COL6A3: variants seen among roughly 807,000 people sequenced by gnomAD.
COL6A3 encodes the protein collagen type VI alpha 3 chain.
COL6A3 carries 137 observed loss-of-function variants against 274.1 expected under a neutral mutation model. The observed-to-expected ratio is 0.50, with a 90% CI of 0.44 to 0.58. COL6A3 has a LOEUF of 0.58. COL6A3 is among the 20% of genes least tolerant of loss of function. The pLI is 0.00. For missense variants in COL6A3, 3,950 were observed against 4,124.9 expected, an observed-to-expected ratio of 0.96 and a Z score of 1.16; for synonymous variants, 1,650 against 1,650.6, an observed-to-expected ratio of 1.00 and a Z score of 0.01.
intron 1 of COL6A3, among the ~76,000 whole-genome samples, chr2:237,404,021 A>C (rs2078661734): frequency 6.6e-6 from 1 of 152,084 alleles, no homozygotes; most frequent in Admixed American, 6.5e-5. Context: ...TCAATTAAAT[A>C]ATGATATACA....
At position 237,376,999 on chromosome 2, in the gene COL6A3, A is replaced by T. The variant is rs1286906605; in HGVS notation, c.2843T>A (p.Val948Asp). The T allele has an allele frequency of 3.1e-6, 5 of 1,614,080 alleles. No homozygotes were observed. Among genetic ancestry groups the T allele is most frequent in the Admixed American group, 3.3e-5 (2 of 60,000 alleles). The change falls in exon 7 of 44, where the codon GTC becomes GAC. Residue 948 changes from valine to aspartate, a missense_variant. Coordinates refer to ENST00000295550, the MANE Select transcript of COL6A3 (RefSeq NM_004369.4). ...DGVLQFLVLL[V>D]AGRSSDRVDG... ...CACACGGTCAGATGACCTTCCTGCG[A>T]CCAGCAGCACCAGGAACTGAAGCAC...
chr2:237,403,154 G>C (rs1279463770), intron 1 of COL6A3, among the ~76,000 whole-genome samples: 1 of 152,164 alleles, frequency 6.6e-6, no homozygotes, highest in Admixed American at 6.5e-5. Flanking sequence ...CTGAAGCTCA[G>C]TCCCGTGGAT....
At position 237,378,585 on chromosome 2, in the gene COL6A3, G is replaced by C. The variant is rs778222679; in HGVS notation, c.2497+51C>G. On this transcript the variant is annotated intron_variant, in intron 6 of 43. Coordinates refer to ENST00000295550, the MANE Select transcript of COL6A3 (RefSeq NM_004369.4). ...GTTCAGACTGGCAAACTACCCTCCA[G>C]GGTGGTGTCTGAGGAAGGAGAGGGA... The C allele has an allele frequency of 3.1e-6, 5 of 1,611,688 alleles. No homozygotes were observed. The African/African-American group carries it at 6.7e-5, about 22-fold the overall frequency.
chr2:237,340,432 C>G lies in COL6A3; in HGVS notation c.8464+20G>C, dbSNP rs398124136. 47 of 1,603,064 alleles carry G rather than the reference C, an allele frequency of 2.9e-5. No homozygotes were observed. In the Admixed American group the frequency reaches 7.8e-4, roughly 27 times the overall value. On this transcript the variant is annotated intron_variant, in intron 38 of 43. Coordinates refer to ENST00000295550, the MANE Select transcript of COL6A3 (RefSeq NM_004369.4). ...GCATAAAGCCAGGCCAGGGCACATG[C>G]TGTGCCACGCAGGACTTACTGCTGA...
chr2:237,379,394 A>G (rs985343843), intron 5 of COL6A3, among the ~76,000 whole-genome samples, 159 bp from the exon 6 acceptor site: 1 of 152,154 alleles, frequency 6.6e-6, no homozygotes, highest in Admixed American at 6.5e-5. Flanking sequence ...ATGGCTGCAT[A>G]TTTTCCTCTG....
intron 37 of COL6A3, among the ~76,000 whole-genome samples, chr2:237,341,570 A>C (rs956739458): frequency 6.8e-6 from 1 of 146,380 alleles, no homozygotes; most frequent in Admixed American, 6.8e-5. Flanking sequence ...AAAAAAAAAA[A>C]ACATCACAAC....
chr2:237,394,754 T>A lies in COL6A3; in HGVS notation c.542A>T (p.Asp181Val). The change falls in exon 3 of 44, where the codon GAT becomes GTT. Residue 181 changes from aspartate to valine, a missense_variant. Asp to Val is a radical substitution (Grantham distance 152). This residue lies in a region of COL6A3 where 1,934 missense variants were observed against 1,984.3 expected (regional missense o/e 0.97). Coordinates refer to ENST00000295550, the MANE Select transcript of COL6A3 (RefSeq NM_004369.4). Reference sequence around the variant, plus strand: ...TGCTATTTCTTTTAACGCTCCTTCATCTGCATCCTCAACTCCAATTGCAAA... The same window carrying A: ...TGCTATTTCTTTTAACGCTCCTTCAACTGCATCCTCAACTCCAATTGCAAA... ...NVFAIGVEDA[D>V]EGALKEIASE... The A allele has an allele frequency of 1.2e-6, 2 of 1,614,230 alleles. No individual in the cohort carries two copies. Among genetic ancestry groups the A allele is most frequent in the Non-Finnish European group, 1.7e-6 (2 of 1,180,042 alleles).
Position 237,369,170 on chromosome 2 carries a change from C to T in COL6A3, c.4293G>A (p.Glu1431=), listed in dbSNP as rs751433682. Reference sequence around the variant, plus strand: ...GAAAGACAATGTCTGCAGCATCACTCTCAACTGCTGCAGATCAAAGAAGAA... The same window carrying T: ...GAAAGACAATGTCTGCAGCATCACTTTCAACTGCTGCAGATCAAAGAAGAA... The part of the protein sequence containing the change: ...ASTRYPPPAV[E]SDAADIVFLI... Residue 1431 remains glutamate, a synonymous_variant, in exon 10 of 44, where the codon GAG becomes GAA. Transcript: ENST00000295550. 98 of 1,610,766 alleles carry T rather than the reference C, an allele frequency of 6.1e-5. No individual in the cohort carries two copies. The highest frequency in any genetic ancestry group is 3.3e-4 in the Middle Eastern group (2 of 6,084).
At position 237,374,402 on chromosome 2, in the gene COL6A3, C is replaced by G. The variant is rs1210380008; in HGVS notation, c.3679+10G>C. 6.2e-7 allele frequency: 1 copy of G among 1,610,964 alleles called. No individual in the cohort carries two copies. The highest frequency in any genetic ancestry group is 8.5e-7 in the Non-Finnish European group (1 of 1,180,024). On this transcript the variant is annotated intron_variant, in intron 8 of 43. Transcript: ENST00000295550. The surrounding 1 kb of genome is among the most constrained non-coding windows in gnomAD (Gnocchi z 4.8). The stretch of plus-strand genomic sequence containing the variant: ...ACACTGAGTGAGGATGCAAAGAGTT[C>G]CCTGCGTACCTGGGCTCGGTAGAGG...
chr2:237,365,157 T>C (rs1048021994), intron 12 of COL6A3, among the ~76,000 whole-genome samples: 1 of 149,176 alleles, frequency 6.7e-6, no homozygotes, highest in Non-Finnish European at 1.5e-5. Flanking sequence ...GAAAGCCATG[T>C]GGAGACACAG....
At chr2:237,358,089 G>A (rs1415569170) in intron 21 of COL6A3, among the ~76,000 whole-genome samples, 1 of 152,216 alleles carries the variant, frequency 6.6e-6, no homozygotes, top group Non-Finnish European at 1.5e-5. Context: ...GCCCCAAACA[G>A]GTGCAATCGT....
chr2:237,388,164 T>C lies in COL6A3; in HGVS notation c.730A>G (p.Ile244Val), dbSNP rs116729313. 863 of 1,614,036 alleles carry C rather than the reference T, an allele frequency of 5.3e-4. 3 individuals are homozygous for C. In the African/African-American group the frequency reaches 8.6e-3, roughly 16 times the overall value. The change falls in exon 4 of 44, where the codon ATT becomes GTT. Residue 244 changes from isoleucine (I) to valine (V), a missense_variant. By Grantham distance (29) the Ile-to-Val change is conservative (BLOSUM62 3). Coordinates refer to ENST00000295550, the MANE Select transcript of COL6A3 (RefSeq NM_004369.4). The stretch of plus-strand genomic sequence containing the variant: ...TTGTTTGATCCATCAATAAGGAAAA[T>C]AATGTCAGCAGAGTCTTGTGCTTTA... ...DITAQDSADI[I>V]FLIDGSNNTG...
At chr2:237,355,510 A>T (rs891919547) in intron 23 of COL6A3, 1 of 152,390 alleles carries the variant, frequency 6.6e-6, no homozygotes, top group African/African-American at 2.4e-5. Context: ...TCCAGAGGTG[A>T]CCTTTAGTTC....
rs199969722 is a variant in COL6A3, at chr2:237,381,300, T to A, written c.1512A>T (p.Thr504=). 1 of 1,614,250 alleles carries A rather than the reference T, an allele frequency of 6.2e-7. No homozygotes were observed. The highest frequency in any genetic ancestry group is 2.2e-5 in the East Asian group (1 of 44,888). ...RPEFYFNTHP[T]KREVITAVRK... Reference sequence around the variant, plus strand: ...GCACAGCGGTTATGACTTCCCTTTTTGTTGGATGGGTATTGAAATAAAATT... The same window carrying A: ...GCACAGCGGTTATGACTTCCCTTTTAGTTGGATGGGTATTGAAATAAAATT... The change falls in exon 5 of 44, where the codon ACA becomes ACT. Residue 504 remains threonine (T), a synonymous_variant. Transcript: ENST00000295550.
At chr2:237,349,234 T>C (rs1366013199) in intron 28 of COL6A3, among the ~76,000 whole-genome samples, 1 of 150,160 alleles carries the variant, frequency 6.7e-6, no homozygotes, top group Non-Finnish European at 1.5e-5. Flanking sequence ...TAATTATGAA[T>C]CAGAAGAATC....
chr2:237,413,106 A>T lies in COL6A3; in HGVS notation c.-31+847T>A, dbSNP rs1376249378. On this transcript the variant is annotated intron_variant, in intron 1 of 43. Transcript: ENST00000295550. The surrounding 1 kb of genome is among the most constrained non-coding windows in gnomAD (Gnocchi z 4.0). ...GTCAGCGAACGTGTCCATCCTCAGCAAGAGAGGGCCCGAGCCCCACCCTGC... is the reference window on the plus strand; with the variant it reads ...GTCAGCGAACGTGTCCATCCTCAGCTAGAGAGGGCCCGAGCCCCACCCTGC... Among the ~76,000 whole-genome samples, 1 of 152,186 alleles carries T rather than the reference A, an allele frequency of 6.6e-6. No individual in the cohort carries two copies. Among genetic ancestry groups the T allele is most frequent in the Non-Finnish European group, 1.5e-5 (1 of 68,016 alleles).
chr2:237,341,311 C>T (rs963522210), intron 37 of COL6A3, among the ~76,000 whole-genome samples, 161 bp from the exon 38 acceptor site: 3 of 152,104 alleles, frequency 2.0e-5, no homozygotes, highest in Non-Finnish European at 4.4e-5. Flanking sequence ...TTTGGGAGGC[C>T]GAGGCAGGTG....
At chr2:237,329,510 A>G (rs1309605666) in intron 42 of COL6A3, 1 of 152,236 alleles carries the variant, frequency 6.6e-6, no homozygotes, top group Non-Finnish European at 1.5e-5. Context: ...ACATCCTCAC[A>G]CAGCGATGAA....
chr2:237,358,388 A>C (rs868348386), intron 21 of COL6A3, 133 bp downstream of exon 21: 2 of 811,024 alleles, frequency 2.5e-6, no homozygotes, highest in Middle Eastern at 4.5e-4. Context: ...AACTGCAAGA[A>C]AAAGACAAAG....
Sources: gnomAD v4.1 joint callset for allele counts (sites outside exome capture counted in the v4.1 genomes callset) on GRCh38, gnomAD v4.1.1 for gene constraint, gnomAD v4.1.1 regional missense constraint, Gnocchi (gnomAD v3.1) non-coding constraint, MANE v1.5 for transcripts, NCBI Gene and HGNC (gene_info 2026-07-23, HGNC 2026-07-21) for gene names.